STARD13: variants seen among roughly 807,000 people sequenced by gnomAD.
STARD13 encodes stAR-related lipid transfer protein 13.
In STARD13, 62 loss-of-function variants were observed where a neutral mutation model predicts 106.4. That is an observed-to-expected ratio of 0.58 (90% CI 0.48 to 0.72). The LOEUF (loss-of-function observed/expected upper bound fraction) is 0.72, where lower values mean the gene tolerates loss of function less well. STARD13 is among the 30% of genes least tolerant of loss of function. STARD13 has a pLI of 0.00. For missense variants in STARD13, 1,387 were observed against 1,424.0 expected, an observed-to-expected ratio of 0.97 and a Z score of 0.42; for synonymous variants, 565 against 553.0, an observed-to-expected ratio of 1.02 and a Z score of -0.31.
intron 1 of STARD13, among the ~76,000 whole-genome samples, chr13:33,325,598 A>AT (rs969779375): frequency 5.9e-5 from 9 of 152,086 alleles, no homozygotes; most frequent in South Asian, 2.1e-4. Context: ...CGAAGAAAAG[A>AT]TTTTTTTCAA....
chr13:33,219,965 C>T (rs552447266), intron 1 of STARD13, among the ~76,000 whole-genome samples: 11 of 152,284 alleles, frequency 7.2e-5, no homozygotes, highest in East Asian at 5.8e-4. Context: ...TACAATCAGA[C>T]GCCTGTTCCT....
At chr13:33,319,894 A>G (rs1893491983) in intron 1 of STARD13, among the ~76,000 whole-genome samples, 1 of 152,258 alleles carries the variant, frequency 6.6e-6, no homozygotes. Context: ...GAGGCTCTAT[A>G]GCATGATACG....
intron 1 of STARD13, among the ~76,000 whole-genome samples, chr13:33,170,870 T>C (rs193145077): frequency 3.0e-4 from 45 of 152,218 alleles, no homozygotes; most frequent in African/African-American, 1.1e-3. Flanking sequence ...TTAACCCCTA[T>C]CAAATCTGAG....
the STARD13 span, among the ~76,000 whole-genome samples, chr13:33,546,473 C>T: frequency 6.6e-6 from 1 of 152,240 alleles, no homozygotes; most frequent in Admixed American, 6.5e-5. Flanking sequence ...AGTTGAGTCT[C>T]TGTAGCCTTT....
At chr13:33,244,171 A>C (rs1030671775) in intron 1 of STARD13, among the ~76,000 whole-genome samples, 2 of 152,012 alleles carry the variant, frequency 1.3e-5, no homozygotes, top group Middle Eastern at 3.2e-3. Flanking sequence ...TCATCTGGGA[A>C]TGCCGATACC....
the STARD13 span, among the ~76,000 whole-genome samples, chr13:33,535,262 A>G: frequency 1.3e-4 from 20 of 152,164 alleles, no homozygotes; most frequent in Non-Finnish European, 8.8e-5. Flanking sequence ...TCATTACATA[A>G]ATCTGAATAC....
At chr13:33,447,072 G>A in the STARD13 span, among the ~76,000 whole-genome samples, 3 of 152,176 alleles carry the variant, frequency 2.0e-5, no homozygotes, top group Non-Finnish European at 4.4e-5. Flanking sequence ...TAAATTTAAT[G>A]TGAAGTTTCT....
intron 1 of STARD13, among the ~76,000 whole-genome samples, chr13:33,185,600 C>G (rs1439965606): frequency 6.6e-6 from 1 of 152,182 alleles, no homozygotes; most frequent in Non-Finnish European, 1.5e-5. Flanking sequence ...GGCAATGGTG[C>G]TAAACAACTC....
downstream of STARD13, among the ~76,000 whole-genome samples, chr13:33,346,474 T>C (rs186944980): frequency 2.0e-5 from 3 of 152,326 alleles, no homozygotes; most frequent in East Asian, 5.8e-4. Context: ...TGTCTATCTG[T>C]TCAGTTGACA....
At chr13:33,622,990 T>C in the STARD13 span, among the ~76,000 whole-genome samples, 1 of 151,660 alleles carries the variant, frequency 6.6e-6, no homozygotes, top group Non-Finnish European at 1.5e-5. Context: ...TCCCAGCTAC[T>C]CAGGAGGCTG....
At chr13:33,555,450 AC>A in the STARD13 span, among the ~76,000 whole-genome samples, 1 of 152,146 alleles carries the variant, frequency 6.6e-6, no homozygotes, top group African/African-American at 2.4e-5. Flanking sequence ...TTAGGTGTAA[AC>A]CTTTTTTATC....
intron 1 of STARD13, among the ~76,000 whole-genome samples, chr13:33,215,129 G>GA (rs1887964032): frequency 8.5e-6 from 1 of 117,492 alleles, no homozygotes; most frequent in Admixed American, 1.0e-4. Context: ...TGGGGGGGGG[G>GA]GTGGGGGGAA....
At chr13:33,407,109 G>A in the STARD13 span, among the ~76,000 whole-genome samples, 54 of 152,202 alleles carry the variant, frequency 3.5e-4, no homozygotes, top group Admixed American at 3.5e-3. Context: ...AGTTTAGCCA[G>A]TTTAACCCAC....
the STARD13 span, among the ~76,000 whole-genome samples, chr13:33,407,539 T>A: frequency 1.3e-5 from 2 of 152,246 alleles, no homozygotes; most frequent in African/African-American, 2.4e-5. Context: ...TAATTAATCA[T>A]AATTGTAAAA....
At chr13:33,451,334 T>C in the STARD13 span, among the ~76,000 whole-genome samples, 1 of 152,170 alleles carries the variant, frequency 6.6e-6, no homozygotes, top group Non-Finnish European at 1.5e-5. Flanking sequence ...TCTAAAAATG[T>C]AAGTTTTATA....
the STARD13 span, among the ~76,000 whole-genome samples, chr13:33,551,183 G>A: frequency 6.6e-6 from 1 of 152,154 alleles, no homozygotes; most frequent in African/African-American, 2.4e-5. Flanking sequence ...CCTGACATGT[G>A]CCATTTTATT....
intron 1 of STARD13, among the ~76,000 whole-genome samples, chr13:33,242,890 C>G (rs1283660332): frequency 6.6e-6 from 1 of 152,022 alleles, no homozygotes; most frequent in Non-Finnish European, 1.5e-5. Context: ...GTCTGTTTTT[C>G]TGTTCTTAGA....
chr13:33,218,223 G>A (rs930718352), intron 1 of STARD13, among the ~76,000 whole-genome samples: 2 of 152,158 alleles, frequency 1.3e-5, no homozygotes, highest in African/African-American at 4.8e-5. Flanking sequence ...ATCCAGGAGT[G>A]GCCAACCAGA....
chr13:33,623,345 A>G, the STARD13 span, among the ~76,000 whole-genome samples: 1 of 151,528 alleles, frequency 6.6e-6, no homozygotes, highest in Non-Finnish European at 1.5e-5. Flanking sequence ...AATATTTTTC[A>G]ACTTTGAAGT....
Sources: allele counts gnomAD v4.1 joint callset (sites outside exome capture counted in the v4.1 genomes callset), GRCh38; gene constraint gnomAD v4.1.1; transcripts MANE v1.5; gene names NCBI Gene and HGNC (gene_info 2026-07-23, HGNC 2026-07-21).